The following QSOX1 variants were observed in gnomAD, a reference collection of about 807,000 sequenced individuals.
The protein encoded by QSOX1 is sulfhydryl oxidase 1.
QSOX1 carries 40 observed loss-of-function variants against 76.1 expected under a neutral mutation model. The observed-to-expected ratio is 0.53, with a 90% CI of 0.41 to 0.68. The LOEUF is 0.68. QSOX1 is among the 30% of genes least tolerant of loss of function. The pLI, the probability that QSOX1 is intolerant of heterozygous loss-of-function variation, is 0.00. For synonymous variants in QSOX1, 392 were observed against 413.1 expected, an observed-to-expected ratio of 0.95 and a Z score of 0.62; for missense variants, 931 against 974.3, an observed-to-expected ratio of 0.96 and a Z score of 0.59.
At chr1:180,189,445 CG>C in intron 8 of QSOX1, 106 bp from the exon 9 acceptor site, 1 of 372,612 alleles carries the variant, frequency 2.7e-6, no homozygotes, top group Non-Finnish European at 4.4e-6. Flanking sequence ...CACTGCCCCC[CG>C]CCCCCCGCCC....
At chr1:180,189,892 C>G (rs1048298405) in intron 9 of QSOX1, among the ~76,000 whole-genome samples, 2 of 152,166 alleles carry the variant, frequency 1.3e-5, no homozygotes, top group African/African-American at 4.8e-5. Context: ...AGATATTCTC[C>G]CCATTTAGCA....
chr1:180,188,900 C>T (rs1368114559), intron 8 of QSOX1, among the ~76,000 whole-genome samples: 2 of 152,324 alleles, frequency 1.3e-5, no homozygotes, highest in South Asian at 2.1e-4. Flanking sequence ...ACACATATGT[C>T]CTCCTCCCTG....
At chr1:180,155,318 A>C in intron 1 of QSOX1, 146 bp downstream of exon 1, 2 of 735,288 alleles carry the variant, frequency 2.7e-6, no homozygotes, top group Non-Finnish European at 4.1e-6. Flanking sequence ...CACGCCCACC[A>C]CCTTCATGTT....
chr1:180,173,762 G>C (rs151208277), intron 2 of QSOX1, among the ~76,000 whole-genome samples: 237 of 152,338 alleles, frequency 1.6e-3, no homozygotes, highest in African/African-American at 5.4e-3. Flanking sequence ...GGGGATGCTG[G>C]TGGTGGGTGA....
rs1663672711 is a variant in QSOX1 at position 180,203,348 on chromosome 1, C to T, written c.*6311C>T. On this transcript the variant is annotated 3_prime_UTR_variant, in exon 12 of 12. Coordinates refer to ENST00000367602, the MANE Select transcript of QSOX1 (RefSeq NM_002826.5). ...GTGAATAGCAGTTATATTTAGAAAG[C>T]AACATTAGGATGAACTTAAGTCAGG... 6.6e-6 allele frequency: 1 copy of T among 152,082 alleles called. No homozygotes were observed. Among genetic ancestry groups the T allele is most frequent in the Admixed American group, 6.6e-5 (1 of 15,260 alleles). 9.4% of individuals were successfully genotyped at this position (152,082 alleles called of 1,614,324 possible).
chr1:180,172,672 C>T (rs769341913), intron 2 of QSOX1, among the ~76,000 whole-genome samples: 4 of 152,164 alleles, frequency 2.6e-5, no homozygotes, highest in Non-Finnish European at 5.9e-5. Context: ...GTGCATGTCA[C>T]CAAATTTGGC....
chr1:180,184,088 C>T (rs376986427), intron 7 of QSOX1, 38 bp downstream of exon 7: 1 of 1,607,860 alleles, frequency 6.2e-7, no homozygotes, highest in Non-Finnish European at 8.5e-7. Flanking sequence ...TCTTCTCCTT[C>T]CTCTGATCAC....
rs1470608971 is a variant in QSOX1, at chr1:180,200,189, T to G, written c.*3152T>G. Reference sequence around the variant, plus strand: ...GCTGTGTGACTTTGGGCAAGATAACTTATCCCCTTGTCCCCATGTGTCATT... The same window carrying G: ...GCTGTGTGACTTTGGGCAAGATAACGTATCCCCTTGTCCCCATGTGTCATT... On this transcript the variant is annotated 3_prime_UTR_variant, in exon 12 of 12. Transcript: ENST00000367602. 1 of 152,192 alleles carries G rather than the reference T, an allele frequency of 6.6e-6. No homozygotes were observed. The highest frequency in any genetic ancestry group is 1.9e-4 in the East Asian group (1 of 5,190). 9.4% of individuals were successfully genotyped at this position (152,192 alleles called of 1,614,324 possible). A position where few individuals can be genotyped will look rare whatever the true frequency, so the allele number is the denominator to read the frequency against.
intron 1 of QSOX1, among the ~76,000 whole-genome samples, chr1:180,159,185 C>T (rs1662438589): frequency 6.6e-6 from 1 of 152,194 alleles, no homozygotes; most frequent in South Asian, 2.1e-4. Flanking sequence ...CTCCATTAGT[C>T]CATTTATTCT....
intron 6 of QSOX1, among the ~76,000 whole-genome samples, chr1:180,183,222 G>A (rs1050015616): frequency 1.4e-4 from 21 of 151,824 alleles, no homozygotes; most frequent in East Asian, 1.9e-4. Flanking sequence ...GAAGCCGTGC[G>A]TCCCATGCCA....
At chr1:180,171,681 G>A (rs759521720) in intron 2 of QSOX1, among the ~76,000 whole-genome samples, 1 of 152,174 alleles carries the variant, frequency 6.6e-6, no homozygotes, top group Non-Finnish European at 1.5e-5. Context: ...TTAAACAGAA[G>A]AGTGTCAGGA....
At chr1:180,156,821 G>A (rs888948424) in intron 1 of QSOX1, among the ~76,000 whole-genome samples, 1 of 152,150 alleles carries the variant, frequency 6.6e-6, no homozygotes, top group African/African-American at 2.4e-5. Flanking sequence ...CTAAGATAAG[G>A]TAATCTCAGG....
At chr1:180,194,439 G>A (rs1477550944) in intron 11 of QSOX1, 47 bp downstream of exon 11, 2 of 1,499,990 alleles carry the variant, frequency 1.3e-6, no homozygotes, top group Non-Finnish European at 1.8e-6. Context: ...TGGGGGACGA[G>A]GGGGTGAGGA....
chr1:180,190,541 C>T lies in QSOX1; in HGVS notation c.1249C>T (p.Gln417Ter), dbSNP rs1262858843. The part of the protein sequence containing the change: ...LWVLFHFLTV[Q>*]AARQNVDHSQ... ...GGTCCTCTTCCACTTCTTGACTGTG[C>T]AGGCAGCTCGGCAAAATGTAGACCA... Residue 417 changes from glutamine to a stop codon, truncating the protein, a stop_gained, in exon 10 of 12, where the codon CAG becomes TAG. Coordinates refer to ENST00000367602, the MANE Select transcript of QSOX1 (RefSeq NM_002826.5). LOFTEE classifies it high-confidence loss of function. The T allele has an allele frequency of 6.2e-7, 1 of 1,614,034 alleles. No homozygotes were observed. Among genetic ancestry groups the T allele is most frequent in the Non-Finnish European group, 8.5e-7 (1 of 1,180,022 alleles).
chr1:180,191,521 C>T (rs1663312330), intron 10 of QSOX1, among the ~76,000 whole-genome samples: 1 of 152,250 alleles, frequency 6.6e-6, no homozygotes, highest in Non-Finnish European at 1.5e-5. Context: ...TATGGAGCAT[C>T]TCCACCATGC....
intron 10 of QSOX1, among the ~76,000 whole-genome samples, chr1:180,193,422 CT>C (rs2149242931): frequency 6.6e-6 from 1 of 151,712 alleles, no homozygotes; most frequent in South Asian, 2.1e-4. Context: ...CGGGTCTCAC[CT>C]TGCCAGGAGT....
At chr1:180,179,187 A>T (rs1056333681) in intron 5 of QSOX1, among the ~76,000 whole-genome samples, 2 of 152,252 alleles carry the variant, frequency 1.3e-5, no homozygotes, top group African/African-American at 4.8e-5. Flanking sequence ...AAGGTGATCA[A>T]ATAGCATGCC....
Position 180,196,952 on chromosome 1 carries a change from C to A in QSOX1, c.2159C>A (p.Ser720Tyr). Residue 720 changes from serine to tyrosine, a missense_variant, in exon 12 of 12, where the codon TCC (serine) becomes TAC (tyrosine). Physicochemically the swap from Ser to Tyr is moderately radical, Grantham distance 144. Transcript: ENST00000367602. This position sits in a 1 kb window ranked among gnomAD's most constrained non-coding sequence, Gnocchi z 4.1. ...CTCTGTGTGGGGCTCTATTCCCTGT[C>A]CTTCATGGGCCTGCTGGCCATGTAC... ...ISLCVGLYSLSFMGLLAMYTY... is the reference protein window; with the variant it reads ...ISLCVGLYSLYFMGLLAMYTY... 1 of 1,609,628 alleles carries A rather than the reference C, an allele frequency of 6.2e-7. No individual in the cohort carries two copies.
rs1383379964 is a variant in QSOX1 at position 180,198,612 on chromosome 1, G to T, written c.*1575G>T. The T allele has an allele frequency of 5.7e-6, 2 of 353,290 alleles. No homozygotes were observed. The highest frequency in any genetic ancestry group is 4.3e-5 in the African/African-American group (2 of 46,702). The allele number at this position is 353,290 out of a possible 1,614,324, so 21.9% of individuals were successfully genotyped here. On this transcript the variant is annotated 3_prime_UTR_variant, in exon 12 of 12. Transcript: ENST00000367602. ...TATGGGGCAGCTGGGGCTGGGGAGG[G>T]ATGGCAGTCTCCCTGCATGTTTCCC...
Sources: allele counts gnomAD v4.1 joint callset (sites outside exome capture counted in the v4.1 genomes callset), GRCh38; gene constraint gnomAD v4.1.1; non-coding constraint Gnocchi (gnomAD v3.1); transcripts MANE v1.5; gene names NCBI Gene and HGNC (gene_info 2026-07-23, HGNC 2026-07-21).